Variants in ERC2 observed in about 807,000 individuals in gnomAD.
ERC2 encodes the protein ELKS/RAB6-interacting/CAST family member 2.
ERC2 carries 42 observed loss-of-function variants against 114.8 expected under a neutral mutation model. The observed-to-expected ratio is 0.37, with a 90% CI of 0.29 to 0.47. ERC2 has a LOEUF of 0.47. Ranked by LOEUF, ERC2 falls within the 20% of genes least tolerant of loss-of-function variation. The pLI, the probability that ERC2 is intolerant of heterozygous loss-of-function variation, is 0.99. For synonymous variants in ERC2, 454 were observed against 425.5 expected (o/e 1.07, Z -0.82); for missense variants, 939 against 1,150.7 (o/e 0.82, Z 2.66).
intron 14 of ERC2, among the ~76,000 whole-genome samples, chr3:55,828,340 T>A (rs947614720): frequency 6.6e-6 from 1 of 152,152 alleles, no homozygotes; most frequent in East Asian, 1.9e-4. Context: ...GGGAAACCTG[T>A]CTTTCTGGCC....
At chr3:55,562,696 C>CT (rs57580365) in intron 17 of ERC2, among the ~76,000 whole-genome samples, 17 of 151,312 alleles carry the variant, frequency 1.1e-4, no homozygotes, top group Admixed American at 2.6e-4. Context: ...CATCCCTTTT[C>CT]TTTTTTTTTC....
At chr3:56,205,326 G>A (rs2048656526) in intron 3 of ERC2, among the ~76,000 whole-genome samples, 1 of 152,052 alleles carries the variant, frequency 6.6e-6, no homozygotes, top group African/African-American at 2.4e-5. Context: ...TCCTCATTAA[G>A]CCCATCTGCA....
At chr3:55,562,749 T>G (rs112998625) in intron 17 of ERC2, among the ~76,000 whole-genome samples, 5,417 of 152,246 alleles carry the variant, frequency 0.036, 149 homozygotes, top group South Asian at 0.15. Flanking sequence ...CCCATCTTTC[T>G]AAGACATTCA....
intron 12 of ERC2, among the ~76,000 whole-genome samples, chr3:55,952,176 CACACTCTCTCTCTCTCTCTCTCTATA>C (rs1402079960): frequency 5.8e-4 from 26 of 44,998 alleles, no homozygotes; most frequent in Admixed American, 1.5e-3. Context: ...CACACACACA[CACACTCTCTCTCTCTCTCTCTCTATA>C]TATATATATA....
chr3:55,555,120 T>G (rs556202273), intron 17 of ERC2, among the ~76,000 whole-genome samples: 6 of 152,062 alleles, frequency 3.9e-5, no homozygotes, highest in African/African-American at 1.4e-4. Flanking sequence ...ATCCTAATAA[T>G]TTGAGACATG....
chr3:55,546,352 T>C (rs2054752192), intron 17 of ERC2, among the ~76,000 whole-genome samples: 1 of 152,162 alleles, frequency 6.6e-6, no homozygotes, highest in Non-Finnish European at 1.5e-5. Flanking sequence ...CATTTCCCAG[T>C]GAGACCCTCC....
chr3:55,599,927 C>T (rs2058323013), intron 17 of ERC2, among the ~76,000 whole-genome samples: 1 of 152,118 alleles, frequency 6.6e-6, no homozygotes, highest in South Asian at 2.1e-4. Flanking sequence ...GCTCTCTGGG[C>T]CTCAGTTTCC....
chr3:56,453,705 C>A (rs1199681993), intron 1 of ERC2, among the ~76,000 whole-genome samples: 2 of 152,144 alleles, frequency 1.3e-5, no homozygotes. Context: ...TAATTGCCTC[C>A]AAATGTATTC....
intron 13 of ERC2, among the ~76,000 whole-genome samples, chr3:55,907,564 T>A (rs1406659760): frequency 6.6e-6 from 1 of 152,240 alleles, no homozygotes; most frequent in Non-Finnish European, 1.5e-5. Context: ...TGTAATTTGA[T>A]GTAACAGAGC....
chr3:55,566,027 G>A (rs558447619), intron 17 of ERC2, among the ~76,000 whole-genome samples: 130 of 152,308 alleles, frequency 8.5e-4, no homozygotes, highest in African/African-American at 3.0e-3. Context: ...TAGCTTGGGG[G>A]GAAATGTCTT....
intron 13 of ERC2, among the ~76,000 whole-genome samples, chr3:55,890,053 T>A (rs963678855): frequency 6.6e-6 from 1 of 152,206 alleles, no homozygotes; most frequent in South Asian, 2.1e-4. Flanking sequence ...GAATAACCTA[T>A]GAAAGTGACA....
chr3:56,115,662 G>C (rs1252989143), intron 6 of ERC2, among the ~76,000 whole-genome samples: 9 of 152,114 alleles, frequency 5.9e-5, no homozygotes, highest in African/African-American at 2.2e-4. Context: ...AAGGACCTGA[G>C]TGTATGAATC....
Position 55,853,344 on chromosome 3 carries a change from T to C in ERC2, c.2564+35045A>G, listed in dbSNP as rs1200966112. On this transcript the variant is annotated intron_variant, in intron 14 of 17. Coordinates refer to ENST00000288221, the MANE Select transcript of ERC2 (RefSeq NM_015576.3). ...GACTTCAAGACCCACCTGGGTAATA[T>C]AGTGAGACCCTGTCTCTACAAAACA... 3.3e-5 allele frequency among the ~76,000 whole-genome samples: 5 copies of C among 152,246 alleles called. No homozygotes were observed. The East Asian group carries it at 7.7e-4, about 24-fold the overall frequency.
chr3:55,571,124 C>CAAAAAAA (rs60594862), intron 17 of ERC2, among the ~76,000 whole-genome samples: 4 of 67,438 alleles, frequency 5.9e-5, no homozygotes, highest in Admixed American at 2.2e-4. Context: ...GAGACTCCGT[C>CAAAAAAA]AAAAAAAAAA....
chr3:55,592,162 TC>T (rs1324172057), intron 17 of ERC2, among the ~76,000 whole-genome samples: 1 of 152,316 alleles, frequency 6.6e-6, no homozygotes, highest in African/African-American at 2.4e-5. Context: ...TCCGGCTTCC[TC>T]AAAGTCTGCC....
At chr3:55,690,820 T>C (rs566670365) in intron 16 of ERC2, among the ~76,000 whole-genome samples, 3 of 152,362 alleles carry the variant, frequency 2.0e-5, no homozygotes, top group East Asian at 3.9e-4. Flanking sequence ...TGCCCTCATG[T>C]GCTCACATGC....
At chr3:56,356,920 G>T (rs2058767159) in intron 2 of ERC2, among the ~76,000 whole-genome samples, 1 of 152,116 alleles carries the variant, frequency 6.6e-6, no homozygotes, top group Non-Finnish European at 1.5e-5. Context: ...AAAGCATCTT[G>T]CCCAGATTTC....
intron 2 of ERC2, among the ~76,000 whole-genome samples, chr3:56,347,649 A>G (rs1243729458): frequency 6.6e-6 from 1 of 152,126 alleles, no homozygotes; most frequent in Non-Finnish European, 1.5e-5. Flanking sequence ...CCACCTGGAC[A>G]GTACCAACTC....
At chr3:55,738,327 G>C (rs1445470) in intron 14 of ERC2, among the ~76,000 whole-genome samples, 32,563 of 152,056 alleles carry the variant, frequency 0.21, 4,017 homozygotes, top group Admixed American at 0.31. Context: ...ACCATTTCAA[G>C]GTGACAGGAT....
Sources: allele counts gnomAD v4.1 joint callset (sites outside exome capture counted in the v4.1 genomes callset), GRCh38; gene constraint gnomAD v4.1.1; transcripts MANE v1.5; gene names NCBI Gene and HGNC (gene_info 2026-07-23, HGNC 2026-07-21).